Variants in MBTPS1 observed in about 807,000 individuals in gnomAD.
MBTPS1 encodes the protein membrane bound transcription factor peptidase, site 1, also known as membrane-bound transcription factor site-1 protease.
MBTPS1 carries 94 observed loss-of-function variants against 127.8 expected under a neutral mutation model. The ratio of observed to expected loss-of-function variants is 0.74; its 90% CI spans 0.62 to 0.87. The LOEUF is 0.87. Among genes scored for constraint, MBTPS1 ranks in the 40% least tolerant of loss-of-function variants. The pLI is 0.00. For synonymous variants in MBTPS1, 632 were observed against 509.4 expected (o/e 1.24, Z -3.24); for missense variants, 1,636 against 1,353.2 (o/e 1.21, Z -3.28).
intron 8 of MBTPS1, among the ~76,000 whole-genome samples, chr16:84,088,173 A>C (rs2086057388): frequency 6.6e-6 from 1 of 152,226 alleles, no homozygotes. Context: ...TCAGTTATAA[A>C]ACTGCATTGC....
intron 11 of MBTPS1, among the ~76,000 whole-genome samples, chr16:84,078,888 G>A (rs539946902): frequency 3.1e-4 from 47 of 152,346 alleles, no homozygotes; most frequent in African/African-American, 5.3e-4. Flanking sequence ...TACCTAAGGC[G>A]TGTGCGGAAG....
intron 1 of MBTPS1, chr16:84,109,360 T>C (rs1318187777): frequency 1.3e-5 from 2 of 152,188 alleles, no homozygotes; most frequent in Non-Finnish European, 2.9e-5. Flanking sequence ...GAGTCCACAA[T>C]GACATGAAGT....
At position 84,089,456 on chromosome 16, in the gene MBTPS1, A is replaced by G. The variant is rs575896091; in HGVS notation, c.1031+1419T>C. Among the ~76,000 whole-genome samples, 5 of 152,400 alleles carry G rather than the reference A, an allele frequency of 3.3e-5. No individual in the cohort carries two copies. In the East Asian group the frequency reaches 5.8e-4, roughly 18 times the overall value. ...CAAAAGAAAAATGTGGATTTCATCT[A>G]TTAGGCAATAATAAACTGCTGCAGA... On this transcript the variant is annotated intron_variant, in intron 8 of 22. Coordinates refer to ENST00000343411, the MANE Select transcript of MBTPS1 (RefSeq NM_003791.4).
chr16:84,093,181 C>T lies in MBTPS1; in HGVS notation c.846+7G>A. The T allele has an allele frequency of 1.9e-6, 3 of 1,587,722 alleles. No homozygotes were observed. Among genetic ancestry groups the T allele is most frequent in the Non-Finnish European group, 2.6e-6 (3 of 1,155,812 alleles). ...CCTCAAGTTTCAGGAGTCCTCAAAA[C>T]ACCTACCTGATTATTGGTAAAGACC... is the stretch of plus-strand genomic sequence containing the variant. On this transcript the variant is annotated splice_region_variant and intron_variant, in intron 6 of 22. Transcript: ENST00000343411.
intron 3 of MBTPS1, among the ~76,000 whole-genome samples, chr16:84,096,721 G>A (rs954656865): frequency 1.1e-4 from 17 of 152,208 alleles, no homozygotes; most frequent in African/African-American, 3.4e-4. Context: ...AACACATACA[G>A]TCACGTCAAT....
In MBTPS1 at chr16:84,095,699, A is replaced by G; in HGVS notation, c.528T>C (p.Ala176=). Residue 176 remains alanine (A), a synonymous_variant, in exon 4 of 23, where the codon GCT becomes GCC. Coordinates refer to ENST00000343411, the MANE Select transcript of MBTPS1 (RefSeq NM_003791.4). ...SLSLGSGFWH[A]TGRHSSRRLL... ...GCCGTCTGCTCGAATGCCTTCCCGT[A>G]GCATGCCAGAAGCCAGAGCCCAGGG... is the stretch of plus-strand genomic sequence containing the variant. 1 of 1,614,262 alleles carries G rather than the reference A, an allele frequency of 6.2e-7. No individual in the cohort carries two copies.
Position 84,067,654 on chromosome 16 carries a change from G to A in MBTPS1, c.2228+13C>T, listed in dbSNP as rs201924875. The A allele has an allele frequency of 5.2e-5, 83 of 1,591,026 alleles. No individual in the cohort carries two copies. The highest frequency in any genetic ancestry group is 1.4e-4 in the Admixed American group (8 of 59,044). On this transcript the variant is annotated intron_variant, in intron 16 of 22. Coordinates refer to ENST00000343411, the MANE Select transcript of MBTPS1 (RefSeq NM_003791.4). ...AAAAGTCTTATCCAAATACCAATGC[G>A]TATCAACAGTACCTTGTGTTTTCAT...
In MBTPS1 at chr16:84,090,946, C is replaced by G; in HGVS notation, c.964-4G>C. On this transcript the variant is annotated splice_region_variant and splice_polypyrimidine_tract_variant and intron_variant, in intron 7 of 22. Coordinates refer to ENST00000343411, the MANE Select transcript of MBTPS1 (RefSeq NM_003791.4). ...TGTTAGCTGTTAATTCCCACACCTA[C>G]AAAAGGAGCATTTATTTAATGAAAG... 1 of 1,579,998 alleles carries G rather than the reference C, an allele frequency of 6.3e-7. No homozygotes were observed. Among genetic ancestry groups the G allele is most frequent in the Non-Finnish European group, 8.6e-7 (1 of 1,158,190 alleles).
intron 4 of MBTPS1, among the ~76,000 whole-genome samples, chr16:84,094,172 C>T (rs1489460359): frequency 6.6e-6 from 1 of 152,114 alleles, no homozygotes; most frequent in Non-Finnish European, 1.5e-5. Context: ...TACTGATACT[C>T]CCCTTCTGGC....
intron 13 of MBTPS1, 47 bp from the exon 14 acceptor site, chr16:84,070,085 G>C: frequency 6.7e-7 from 1 of 1,482,344 alleles, no homozygotes; most frequent in Non-Finnish European, 9.1e-7. Context: ...TGTGCAGAAA[G>C]AAACTTTCAG....
At chr16:84,061,389 G>A in intron 19 of MBTPS1, 1 of 152,840 alleles carries the variant, frequency 6.5e-6, no homozygotes, top group South Asian at 2.1e-4. Context: ...CCAACTGCCT[G>A]AGTGCCACAC....
intron 18 of MBTPS1, among the ~76,000 whole-genome samples, chr16:84,063,841 T>C (rs2085646639): frequency 6.6e-6 from 1 of 152,246 alleles, no homozygotes; most frequent in Non-Finnish European, 1.5e-5. Flanking sequence ...CAGATCTTGC[T>C]AAACACACAG....
At chr16:84,057,597 T>C (rs2085540791) in intron 21 of MBTPS1, 1 of 152,256 alleles carries the variant, frequency 6.6e-6, no homozygotes, top group Non-Finnish European at 1.5e-5. Context: ...ACTTCACAGA[T>C]GGAAGCCTGC....
intron 11 of MBTPS1, among the ~76,000 whole-genome samples, chr16:84,078,237 G>A (rs1280165808): frequency 3.5e-5 from 5 of 144,634 alleles, no homozygotes; most frequent in African/African-American, 5.2e-5. Flanking sequence ...CTCTCGACCC[G>A]GACCAGCAGT....
chr16:84,105,802 T>C (rs1391024637), intron 1 of MBTPS1, among the ~76,000 whole-genome samples: 1 of 152,144 alleles, frequency 6.6e-6, no homozygotes, highest in African/African-American at 2.4e-5. Context: ...GCTGAGCTCC[T>C]GTGTTCACCC....
intron 3 of MBTPS1, among the ~76,000 whole-genome samples, chr16:84,096,940 C>G (rs1343230519): frequency 6.6e-6 from 1 of 152,176 alleles, no homozygotes; most frequent in African/African-American, 2.4e-5. Flanking sequence ...GGCTTCACAG[C>G]TTTCAAACAA....
intron 12 of MBTPS1, chr16:84,072,088 C>G (rs543908084): frequency 1.3e-5 from 2 of 152,178 alleles, no homozygotes; most frequent in African/African-American, 4.8e-5. Flanking sequence ...AAGAGATGAA[C>G]GGAGAAACGC....
rs949735869 is a variant in MBTPS1 at position 84,104,317 on chromosome 16, C to CA, written c.-324-2211dup. ...GCAACGTGGAGAAACCTCATCTCTA[C>CA]AAAAAAAACATTAAAAATTAGCTAG... On this transcript the variant is annotated intron_variant, in intron 1 of 22. Transcript: ENST00000343411. Among the ~76,000 whole-genome samples, 81 of 151,730 alleles carry CA rather than the reference C, an allele frequency of 5.3e-4. 2 individuals carry two copies. In the Middle Eastern group the frequency reaches 0.027, roughly 51 times the overall value.
chr16:84,056,169 A>G (rs376298932), intron 21 of MBTPS1, 34 bp from the exon 22 acceptor site: 7 of 1,596,244 alleles, frequency 4.4e-6, no homozygotes, highest in Non-Finnish European at 6.0e-6. Context: ...AAACAAAAAT[A>G]AGCCATTGTA....
Sources: allele counts gnomAD v4.1 joint callset (sites outside exome capture counted in the v4.1 genomes callset), GRCh38; gene constraint gnomAD v4.1.1; transcripts MANE v1.5; gene names NCBI Gene and HGNC (gene_info 2026-07-23, HGNC 2026-07-21).